The following SPDYA variants were observed in gnomAD, a reference collection of about 807,000 sequenced individuals.
SPDYA encodes speedy protein A.
A neutral mutation model predicts 36.7 loss-of-function variants in SPDYA; 11 were observed. The ratio of observed to expected loss-of-function variants is 0.30; its 90% CI spans 0.19 to 0.50. The LOEUF (loss-of-function observed/expected upper bound fraction) is 0.50. Ranked by LOEUF, SPDYA falls within the 20% of genes least tolerant of loss-of-function variation. SPDYA has a pLI of 0.98. For synonymous variants in SPDYA, 115 were observed against 118.7 expected, an observed-to-expected ratio of 0.97 and a Z score of 0.20; for missense variants, 287 against 370.9, an observed-to-expected ratio of 0.77 and a Z score of 1.86.
intron 6 of SPDYA, among the ~76,000 whole-genome samples, chr2:28,831,236 T>G (rs748030874): frequency 6.6e-6 from 1 of 152,116 alleles, no homozygotes; most frequent in Non-Finnish European, 1.5e-5. Context: ...TGCACACCTG[T>G]AGTCCCAGCT....
intron 6 of SPDYA, among the ~76,000 whole-genome samples, chr2:28,839,851 G>A (rs1668707744): frequency 6.6e-6 from 1 of 152,134 alleles, no homozygotes; most frequent in Non-Finnish European, 1.5e-5. Flanking sequence ...ATCACATATT[G>A]TTTTGGAGTA....
chr2:28,815,283 AACACACACACACACACACACACAC>A (rs55773017), intron 2 of SPDYA, among the ~76,000 whole-genome samples: 31 of 136,928 alleles, frequency 2.3e-4, no homozygotes, highest in Middle Eastern at 7.2e-3. Context: ...CCCTGTCTGA[AACACACACACACACACACACACAC>A]ACACACACAC....
At chr2:28,816,624 C>T (rs918140249) in intron 3 of SPDYA, among the ~76,000 whole-genome samples, 2 of 152,110 alleles carry the variant, frequency 1.3e-5, no homozygotes, top group African/African-American at 2.4e-5. Context: ...AAGGGGTTTC[C>T]CAGGACTTTC....
At chr2:28,831,723 A>G (rs1300428098) in intron 6 of SPDYA, among the ~76,000 whole-genome samples, 1 of 152,198 alleles carries the variant, frequency 6.6e-6, no homozygotes, top group Non-Finnish European at 1.5e-5. Context: ...AATTACAACA[A>G]TCATGCATTA....
At chr2:28,817,476 G>A (rs949405845) in intron 3 of SPDYA, among the ~76,000 whole-genome samples, 14 of 152,034 alleles carry the variant, frequency 9.2e-5, no homozygotes, top group Middle Eastern at 3.4e-3. Flanking sequence ...CAGGAGAATC[G>A]CTTCAACCCG....
At chr2:28,841,478 T>G (rs1429743542) in intron 7 of SPDYA, among the ~76,000 whole-genome samples, 1 of 152,116 alleles carries the variant, frequency 6.6e-6, no homozygotes, top group Non-Finnish European at 1.5e-5. Context: ...CAGTGATCCT[T>G]TTTACTTACA....
chr2:28,821,765 A>G (rs1668174870), intron 4 of SPDYA, among the ~76,000 whole-genome samples: 1 of 152,228 alleles, frequency 6.6e-6, no homozygotes, highest in Non-Finnish European at 1.5e-5. Flanking sequence ...GCTAATAATC[A>G]GGCTAGAGAT....
At chr2:28,822,831 C>A (rs1315055514) in intron 5 of SPDYA, among the ~76,000 whole-genome samples, 1 of 152,152 alleles carries the variant, frequency 6.6e-6, no homozygotes, top group Non-Finnish European at 1.5e-5. Context: ...TGGTCTTGAT[C>A]TCCTGACCTC....
chr2:28,814,180 C>A (rs1667926208), intron 1 of SPDYA, among the ~76,000 whole-genome samples: 1 of 152,200 alleles, frequency 6.6e-6, no homozygotes, highest in South Asian at 2.1e-4. Context: ...CTATTAAACA[C>A]TTGAAACTGA....
At position 28,816,027 on chromosome 2, in the gene SPDYA, C is replaced by G. The variant is rs1476874182; in HGVS notation, c.13C>G (p.Gln5Glu). MRHNQMCCETPPTVT... is the reference protein window; with the variant it reads MRHNEMCCETPPTVT... ...TTGGGAAACCAAAATGAGGCACAAT[C>G]AGATGTGTTGTGAGACACCACCTAC... Residue 5 changes from glutamine (Q) to glutamate (E), a missense_variant, in exon 3 of 8, where the codon CAG (glutamine) becomes GAG (glutamate). Transcript: ENST00000334056. 6.2e-7 allele frequency: 1 copy of G among 1,610,010 alleles called. No individual in the cohort carries two copies. Among genetic ancestry groups the G allele is most frequent in the Middle Eastern group, 1.7e-4 (1 of 6,040 alleles).
chr2:28,814,020 A>C (rs893800668), intron 1 of SPDYA, among the ~76,000 whole-genome samples: 23 of 152,156 alleles, frequency 1.5e-4, no homozygotes, highest in African/African-American at 4.6e-4. Context: ...CCCGCACCCC[A>C]AGTACATAAT....
At chr2:28,819,941 A>G (rs12467295) in intron 4 of SPDYA, among the ~76,000 whole-genome samples, 133,080 of 133,690 alleles carry the variant, frequency 1, 66,236 homozygotes, top group Middle Eastern at 1. Flanking sequence ...AGCCAGGGAG[A>G]TCAAGGCTGC....
chr2:28,850,590 A>G lies in SPDYA; in HGVS notation c.*649A>G. On this transcript the variant is annotated 3_prime_UTR_variant, in exon 8 of 8. Coordinates refer to ENST00000334056, the MANE Select transcript of SPDYA (RefSeq NM_182756.4). ...CTATTTGTCAATGATTATGTAATAA[A>G]CATATGATTTTATAACCAAATGGAT... is the stretch of plus-strand genomic sequence containing the variant. The G allele has an allele frequency of 1.9e-6, 1 of 533,220 alleles. No individual in the cohort carries two copies. Among genetic ancestry groups the G allele is most frequent in the Non-Finnish European group, 3.3e-6 (1 of 303,062 alleles). 33.0% of individuals were successfully genotyped at this position (533,220 alleles called of 1,614,324 possible).
At chr2:28,843,982 T>C (rs979011926) in intron 7 of SPDYA, among the ~76,000 whole-genome samples, 3 of 152,116 alleles carry the variant, frequency 2.0e-5, no homozygotes, top group African/African-American at 7.2e-5. Flanking sequence ...AAAAAAAATA[T>C]GCCAAGCTTT....
At chr2:28,840,974 G>A (rs1023443850) in intron 7 of SPDYA, among the ~76,000 whole-genome samples, 5 of 122,452 alleles carry the variant, frequency 4.1e-5, no homozygotes, top group South Asian at 2.6e-4. Context: ...TCACTTTGTC[G>A]CCCAGGCTGG....
chr2:28,829,893 G>C (rs1216365416), intron 6 of SPDYA, among the ~76,000 whole-genome samples: 1 of 145,068 alleles, frequency 6.9e-6, no homozygotes, highest in Non-Finnish European at 1.5e-5. Context: ...GCAGTGAGCA[G>C]AGATCGCGCC....
chr2:28,834,081 AACACACACACACACAC>A (rs56865803), intron 6 of SPDYA, among the ~76,000 whole-genome samples: 2 of 146,874 alleles, frequency 1.4e-5, no homozygotes, highest in African/African-American at 2.5e-5. Flanking sequence ...AAATTGCTAA[AACACACACACACACAC>A]ACACACACAC....
chr2:28,829,294 T>C lies in SPDYA; in HGVS notation c.527T>C (p.Ile176Thr). 6.2e-7 allele frequency: 1 copy of C among 1,612,160 alleles called. No individual in the cohort carries two copies. Among genetic ancestry groups the C allele is most frequent in the Non-Finnish European group, 8.5e-7 (1 of 1,179,622 alleles). The stretch of plus-strand genomic sequence containing the variant: ...TGGGATAGAATTGACTATAGGGCTA[T>C]TGTAAGCAGGCGATGTTGTGAGGAG... The part of the protein sequence containing the change: ...QLWDRIDYRA[I>T]VSRRCCEEVM... Residue 176 changes from isoleucine (I) to threonine (T), a missense_variant, in exon 6 of 8, where the codon ATT becomes ACT. Coordinates refer to ENST00000334056, the MANE Select transcript of SPDYA (RefSeq NM_182756.4).
At chr2:28,830,036 G>C (rs1216275497) in intron 6 of SPDYA, among the ~76,000 whole-genome samples, 5 of 151,148 alleles carry the variant, frequency 3.3e-5, no homozygotes, top group Non-Finnish European at 7.4e-5. Flanking sequence ...CTACTTGGGA[G>C]GCTGAGGCAG....
Sources: gnomAD v4.1 joint callset for allele counts (sites outside exome capture counted in the v4.1 genomes callset) on GRCh38, gnomAD v4.1.1 for gene constraint, MANE v1.5 for transcripts, NCBI Gene and HGNC (gene_info 2026-07-23, HGNC 2026-07-21) for gene names.